The following ZBTB20 variants were observed in gnomAD, a reference collection of about 807,000 sequenced individuals.
The protein encoded by ZBTB20 is zinc finger and BTB domain-containing protein 20.
ZBTB20 carries 9 observed loss-of-function variants against 56.9 expected under a neutral mutation model. The ratio of observed to expected loss-of-function variants is 0.16; its 90% CI spans 0.10 to 0.28. The LOEUF (loss-of-function observed/expected upper bound fraction) is 0.28. Ranked by LOEUF, ZBTB20 falls within the 10% of genes least tolerant of loss-of-function variation. ZBTB20 has a pLI of 1.00. For missense variants in ZBTB20, 655 were observed against 1,003.0 expected (o/e 0.65, Z 4.69); for synonymous variants, 417 against 420.7 (o/e 0.99, Z 0.11).
At chr3:114,933,561 G>A (rs558103161) in intron 3 of ZBTB20, among the ~76,000 whole-genome samples, 61 of 152,326 alleles carry the variant, frequency 4.0e-4, no homozygotes, top group African/African-American at 1.4e-3. Flanking sequence ...ACAGTATCAG[G>A]AATAAGCAGT....
chr3:115,140,285 T>G (rs1560602817), intron 1 of ZBTB20, among the ~76,000 whole-genome samples: 1 of 152,080 alleles, frequency 6.6e-6, no homozygotes, highest in African/African-American at 2.4e-5. Context: ...GAGTTGAATT[T>G]AATATATGAG....
At chr3:114,495,305 C>T (rs941310664) in intron 7 of ZBTB20, among the ~76,000 whole-genome samples, 1 of 151,932 alleles carries the variant, frequency 6.6e-6, no homozygotes, top group African/African-American at 2.4e-5. Flanking sequence ...GCCTACTGAC[C>T]AGGCTTTGAT....
intron 7 of ZBTB20, among the ~76,000 whole-genome samples, chr3:114,485,597 C>T (rs1474697236): frequency 6.6e-6 from 1 of 152,114 alleles, no homozygotes. Context: ...TGAATGTTCA[C>T]CACCCCCCAA....
At chr3:114,551,106 A>G (rs1203072299) in intron 6 of ZBTB20, among the ~76,000 whole-genome samples, 1 of 152,126 alleles carries the variant, frequency 6.6e-6, no homozygotes, top group Non-Finnish European at 1.5e-5. Context: ...GGGTTTGTAG[A>G]CTCACAAGGA....
rs1486128768 is a variant in ZBTB20 at position 114,416,340 on chromosome 3, A to C, written c.-254-27235T>G. Among the ~76,000 whole-genome samples, 15 of 151,936 alleles carry C rather than the reference A, an allele frequency of 9.9e-5. No homozygotes were observed. In the South Asian group the frequency reaches 2.7e-3, roughly 27 times the overall value. ...TTAGCAATACTTAAAAAAAAAAAAAAAAACAACTAACTAAATAGAGGGATT... is the reference window on the plus strand; with the variant it reads ...TTAGCAATACTTAAAAAAAAAAAAACAAACAACTAACTAAATAGAGGGATT... On this transcript the variant is annotated intron_variant, in intron 7 of 11. Transcript: ENST00000675478.
chr3:115,042,708 C>T lies in ZBTB20; in HGVS notation c.-507+28511G>A, dbSNP rs539271382. ...CTCATACAAAATGCATTTCAGGTTTCCCTTTTTGGATTAAAAACTAAAATT... is the reference window on the plus strand; with the variant it reads ...CTCATACAAAATGCATTTCAGGTTTTCCTTTTTGGATTAAAAACTAAAATT... On this transcript the variant is annotated intron_variant, in intron 2 of 11. Coordinates refer to ENST00000675478, the MANE Select transcript of ZBTB20 (RefSeq NM_001348800.3). Among the ~76,000 whole-genome samples, 4 of 152,284 alleles carry T rather than the reference C, an allele frequency of 2.6e-5. No homozygotes were observed. The South Asian group carries it at 8.3e-4, about 32-fold the overall frequency.
chr3:114,801,787 C>T (rs769821329), intron 4 of ZBTB20, among the ~76,000 whole-genome samples: 2 of 151,288 alleles, frequency 1.3e-5, no homozygotes, highest in African/African-American at 4.9e-5. Flanking sequence ...TCATATTGTA[C>T]ATCTTGTCAC....
intron 5 of ZBTB20, among the ~76,000 whole-genome samples, chr3:114,747,226 T>C (rs936883974): frequency 1.3e-5 from 2 of 152,188 alleles, no homozygotes; most frequent in African/African-American, 4.8e-5. Context: ...AGAATAAAAG[T>C]TGAAGATCCT....
intron 10 of ZBTB20, 36 bp from the exon 11 acceptor site, chr3:114,351,914 G>C: frequency 6.4e-7 from 1 of 1,563,564 alleles, no homozygotes; most frequent in Non-Finnish European, 8.7e-7. Context: ...AACAGGGCAT[G>C]GGTCAGATCT....
intron 3 of ZBTB20, among the ~76,000 whole-genome samples, chr3:114,970,626 T>C (rs1056244968): frequency 1.7e-4 from 26 of 152,188 alleles, no homozygotes; most frequent in Non-Finnish European, 2.9e-4. Context: ...GGTACGTAAG[T>C]TATGCATTAG....
chr3:114,879,258 A>T (rs2076307420), intron 4 of ZBTB20, among the ~76,000 whole-genome samples: 1 of 152,170 alleles, frequency 6.6e-6, no homozygotes, highest in Admixed American at 6.5e-5. Context: ...ATCTTGAAGC[A>T]TGTCTGATTT....
intron 6 of ZBTB20, among the ~76,000 whole-genome samples, chr3:114,562,745 G>T (rs906211413): frequency 1.3e-5 from 2 of 152,098 alleles, no homozygotes; most frequent in African/African-American, 4.8e-5. Context: ...GTTATTAACT[G>T]GCCTTATTTC....
At position 114,429,641 on chromosome 3, in the gene ZBTB20, A is replaced by C. The variant is rs185913274; in HGVS notation, c.-254-40536T>G. On this transcript the variant is annotated intron_variant, in intron 7 of 11. Transcript: ENST00000675478. Reference sequence around the variant, plus strand: ...CTTCTTTCAGATCTAACACATTTGTAGTCAGACCTCTGGCCCTCCGTATCC... The same window carrying C: ...CTTCTTTCAGATCTAACACATTTGTCGTCAGACCTCTGGCCCTCCGTATCC... Among the ~76,000 whole-genome samples, 43 of 152,302 alleles carry C rather than the reference A, an allele frequency of 2.8e-4. No individual in the cohort carries two copies. The East Asian group carries it at 8.1e-3, about 29-fold the overall frequency.
At chr3:115,141,376 T>A (rs570340937) in intron 1 of ZBTB20, among the ~76,000 whole-genome samples, 1 of 152,146 alleles carries the variant, frequency 6.6e-6, no homozygotes, top group Non-Finnish European at 1.5e-5. Flanking sequence ...AAGGCTTGAA[T>A]ACATAAAGCA....
intron 6 of ZBTB20, chr3:114,529,401 T>G (rs1299848782): frequency 2.0e-5 from 3 of 152,258 alleles, no homozygotes; most frequent in Non-Finnish European, 4.4e-5. Context: ...GATTTGGGAG[T>G]GTGCGTATTA....
intron 10 of ZBTB20, among the ~76,000 whole-genome samples, chr3:114,377,534 CCCACCCATGTCAGTT>C (rs1343528609): frequency 2.6e-5 from 4 of 152,276 alleles, no homozygotes; most frequent in Non-Finnish European, 4.4e-5. Flanking sequence ...TGGTGGCTTA[CCCACCCATGTCAGTT>C]CATATGCAGA....
rs2081097287 is a variant in ZBTB20, at chr3:115,040,504, G to A, written c.-507+30715C>T. ...AGCAAGGGAATGGAATGATATTTCA[G>A]GCAGAAGAAGCATTATGTACTCAGA... On this transcript the variant is annotated intron_variant, in intron 2 of 11. Coordinates refer to ENST00000675478, the MANE Select transcript of ZBTB20 (RefSeq NM_001348800.3). Among the ~76,000 whole-genome samples, 2 of 152,086 alleles carry A rather than the reference G, an allele frequency of 1.3e-5. 1 individual carries two copies. Among genetic ancestry groups the A allele is most frequent in the South Asian group, 4.1e-4 (2 of 4,820 alleles).
At chr3:114,599,197 T>C (rs75068099) in intron 6 of ZBTB20, 8 of 152,200 alleles carry the variant, frequency 5.3e-5, no homozygotes, top group Non-Finnish European at 5.9e-5. Flanking sequence ...ATGGAAGCCA[T>C]GGAGTTGAAG....
At chr3:114,592,132 C>T (rs185715552) in intron 6 of ZBTB20, among the ~76,000 whole-genome samples, 34 of 152,292 alleles carry the variant, frequency 2.2e-4, no homozygotes, top group African/African-American at 8.2e-4. Context: ...ACTTCTATAT[C>T]TCTCAATACT....
Sources: allele counts gnomAD v4.1 joint callset (sites outside exome capture counted in the v4.1 genomes callset), GRCh38; gene constraint gnomAD v4.1.1; transcripts MANE v1.5; gene names NCBI Gene and HGNC (gene_info 2026-07-23, HGNC 2026-07-21).